Variants in MUC7 observed in about 807,000 individuals in gnomAD.
MUC7 encodes the protein mucin-7.
In MUC7, 2 loss-of-function variants were observed where a neutral mutation model predicts 2.5. That is an observed-to-expected ratio of 0.81 (90% CI 0.33 to 2.55). The LOEUF is 2.55. Ranked by LOEUF, MUC7 falls within the 30% of genes most tolerant of loss-of-function variation. MUC7 has a pLI of 0.11. For synonymous variants in MUC7, 133 were observed against 173.4 expected (o/e 0.77, Z 1.83); for missense variants, 408 against 455.6 (o/e 0.90, Z 0.95).
intron 1 of MUC7, among the ~76,000 whole-genome samples, chr4:70,462,983 A>G (rs758503942): frequency 3.9e-5 from 6 of 152,062 alleles, no homozygotes; most frequent in Non-Finnish European, 7.4e-5. Flanking sequence ...GAATGAATGA[A>G]TGAATGAATG....
At chr4:70,454,652 A>G (rs1734371262) in intron 1 of MUC7, among the ~76,000 whole-genome samples, 1 of 152,152 alleles carries the variant, frequency 6.6e-6, no homozygotes, top group Non-Finnish European at 1.5e-5. Context: ...GTTCTTTGGA[A>G]GGTCCTTTTC....
In MUC7 at chr4:70,481,004, C is replaced by T; in HGVS notation, c.260C>T (p.Pro87Leu). Residue 87 changes from proline to leucine, a missense_variant, in exon 3 of 3, where the codon CCT (proline) becomes CTT (leucine). By Grantham distance (98) the Pro-to-Leu change is moderately conservative. Transcript: ENST00000304887. ...SPNNPPKFPN[P>L]HQPPKHPDKN... ...AATAACCCCCCCAAATTCCCAAATC[C>T]TCACCAGCCACCTAAACATCCAGAT... is the stretch of plus-strand genomic sequence containing the variant. The T allele has an allele frequency of 6.2e-7, 1 of 1,614,130 alleles. No homozygotes were observed. The highest frequency in any genetic ancestry group is 8.5e-7 in the Non-Finnish European group (1 of 1,180,008).
At chr4:70,455,584 A>G (rs1475382985) in intron 1 of MUC7, among the ~76,000 whole-genome samples, 1 of 152,178 alleles carries the variant, frequency 6.6e-6, no homozygotes, top group Admixed American at 6.5e-5. Flanking sequence ...ATCATTTTAC[A>G]GAGCCTGGTA....
intron 1 of MUC7, among the ~76,000 whole-genome samples, chr4:70,458,931 G>A (rs1281682374): frequency 1.3e-5 from 2 of 152,008 alleles, no homozygotes; most frequent in Non-Finnish European, 2.9e-5. Context: ...ATATTTAATA[G>A]AATAAGCAGG....
At chr4:70,478,182 T>C (rs949742657) in intron 2 of MUC7, among the ~76,000 whole-genome samples, 3 of 152,180 alleles carry the variant, frequency 2.0e-5, no homozygotes, top group Admixed American at 2.0e-4. Flanking sequence ...ATGTGGTAGG[T>C]ATTATTTTGG....
intron 2 of MUC7, among the ~76,000 whole-genome samples, chr4:70,478,271 ATTAG>A (rs1013013055): frequency 6.6e-5 from 10 of 152,196 alleles, no homozygotes; most frequent in Non-Finnish European, 8.8e-5. Flanking sequence ...TCAATAACAA[ATTAG>A]TTATTGTTAT....
At chr4:70,451,330 G>GT (rs1413514417) in intron 1 of MUC7, among the ~76,000 whole-genome samples, 2 of 152,234 alleles carry the variant, frequency 1.3e-5, no homozygotes, top group Admixed American at 6.5e-5. Flanking sequence ...TAGGGCAGGT[G>GT]TGGCACAGAC....
intron 1 of MUC7, among the ~76,000 whole-genome samples, chr4:70,436,044 G>T (rs1460218391): frequency 6.6e-6 from 1 of 152,160 alleles, no homozygotes; most frequent in Non-Finnish European, 1.5e-5. Flanking sequence ...CTCTCTTCTG[G>T]CTTGTAGGGT....
intron 2 of MUC7, among the ~76,000 whole-genome samples, chr4:70,480,099 C>T (rs1413681992): frequency 1.3e-5 from 2 of 152,114 alleles, no homozygotes; most frequent in Non-Finnish European, 2.9e-5. Context: ...TCATGAAAAC[C>T]ATTGGTGCTC....
At chr4:70,462,931 A>C (rs1339673765) in intron 1 of MUC7, among the ~76,000 whole-genome samples, 1 of 152,144 alleles carries the variant, frequency 6.6e-6, no homozygotes, top group Non-Finnish European at 1.5e-5. Context: ...ACACCACTGC[A>C]CTCCAGCCCG....
intron 1 of MUC7, among the ~76,000 whole-genome samples, chr4:70,437,673 G>A (rs571861772): frequency 3.9e-5 from 6 of 152,278 alleles, no homozygotes; most frequent in South Asian, 2.1e-4. Flanking sequence ...GACTCCTTGC[G>A]CTTCCCAGGT....
At chr4:70,462,751 T>C (rs1734587000) in intron 1 of MUC7, among the ~76,000 whole-genome samples, 1 of 152,118 alleles carries the variant, frequency 6.6e-6, no homozygotes, top group East Asian at 1.9e-4. Context: ...GGCAAGAGAA[T>C]TGCTTGAGGC....
At chr4:70,461,698 C>T (rs1186947391) in intron 1 of MUC7, among the ~76,000 whole-genome samples, 1 of 151,930 alleles carries the variant, frequency 6.6e-6, no homozygotes, top group African/African-American at 2.4e-5. Context: ...AAGAGCCTTA[C>T]TCAAGGGAAA....
At chr4:70,460,470 CT>C (rs56144703) in intron 1 of MUC7, among the ~76,000 whole-genome samples, 7 of 149,358 alleles carry the variant, frequency 4.7e-5, no homozygotes, top group African/African-American at 4.9e-5. Flanking sequence ...ATGAAAAATT[CT>C]TTTTTTTTTT....
chr4:70,468,844 T>A (rs183605485), upstream of MUC7, among the ~76,000 whole-genome samples: 14 of 152,266 alleles, frequency 9.2e-5, no homozygotes, highest in African/African-American at 3.1e-4. Context: ...AAGTAATTTA[T>A]AGATTCAATG....
At chr4:70,480,673 CAAT>C in intron 2 of MUC7, 123 bp from the exon 3 acceptor site, 1 of 964,198 alleles carries the variant, frequency 1.0e-6, no homozygotes, top group Non-Finnish European at 1.5e-6. Flanking sequence ...TCACTTGACT[CAAT>C]AATGTACTCT....
At chr4:70,478,523 A>G (rs1056782555) in intron 2 of MUC7, among the ~76,000 whole-genome samples, 1 of 152,212 alleles carries the variant, frequency 6.6e-6, no homozygotes, top group Non-Finnish European at 1.5e-5. Flanking sequence ...AGGCACATTA[A>G]GTGACTTGAC....
intron 1 of MUC7, among the ~76,000 whole-genome samples, chr4:70,453,795 T>C (rs906824282): frequency 1.3e-5 from 2 of 152,124 alleles, no homozygotes; most frequent in Admixed American, 6.6e-5. Context: ...AGCAGCAATA[T>C]GGCATACTAC....
At chr4:70,473,370 G>T (rs1223942219) in intron 1 of MUC7, among the ~76,000 whole-genome samples, 1 of 152,008 alleles carries the variant, frequency 6.6e-6, no homozygotes, top group Non-Finnish European at 1.5e-5. Context: ...CTTGAGTCTG[G>T]GGGGTGCAGG....
Sources: gnomAD v4.1 joint callset for allele counts (sites outside exome capture counted in the v4.1 genomes callset) on GRCh38, gnomAD v4.1.1 for gene constraint, MANE v1.5 for transcripts, NCBI Gene and HGNC (gene_info 2026-07-23, HGNC 2026-07-21) for gene names.